Variants in GAB1 observed in about 807,000 individuals in gnomAD.
The protein encoded by GAB1 is GRB2 associated binding protein 1, also known as GRB2-associated-binding protein 1.
GAB1 carries 19 observed loss-of-function variants against 66.5 expected under a neutral mutation model. That is an observed-to-expected ratio of 0.29 (90% CI 0.20 to 0.42). The LOEUF (loss-of-function observed/expected upper bound fraction) is 0.42. Among genes scored for constraint, GAB1 ranks in the 10% least tolerant of loss-of-function variants. GAB1 has a pLI of 1.00. For missense variants in GAB1, 732 were observed against 858.5 expected (o/e 0.85, Z 1.84); for synonymous variants, 294 against 301.4 (o/e 0.98, Z 0.25).
chr4:143,400,222 C>A (rs936713498), intron 1 of GAB1, among the ~76,000 whole-genome samples: 1 of 152,116 alleles, frequency 6.6e-6, no homozygotes, highest in Admixed American at 6.5e-5. Context: ...GGACTACAGG[C>A]GTGAGCCACT....
At chr4:143,409,386 T>TACC (rs1732239712) in intron 1 of GAB1, among the ~76,000 whole-genome samples, 1 of 138,576 alleles carries the variant, frequency 7.2e-6, no homozygotes, top group African/African-American at 2.7e-5. Flanking sequence ...CTTTGAACTT[T>TACC]CCCCCCCCCC....
intron 7 of GAB1, 135 bp from the exon 8 acceptor site, chr4:143,460,229 A>G: frequency 1.3e-6 from 1 of 744,576 alleles, no homozygotes; most frequent in Non-Finnish European, 2.2e-6. Context: ...ATCATTATAA[A>G]TGTGTACAAT....
At chr4:143,463,420 C>G (rs1464418962) in intron 8 of GAB1, among the ~76,000 whole-genome samples, 1 of 151,912 alleles carries the variant, frequency 6.6e-6, no homozygotes, top group Non-Finnish European at 1.5e-5. Context: ...GTCAGTAGTG[C>G]GAGACCAGCC....
rs1025532541 is a variant in GAB1, at chr4:143,350,131, G to T, written c.72+12871G>T. 5 of 940,190 alleles carry T rather than the reference G, an allele frequency of 5.3e-6. No homozygotes were observed. In the Admixed American group the frequency reaches 7.2e-5, roughly 14 times the overall value. 58.2% of individuals were successfully genotyped at this position (940,190 alleles called of 1,614,324 possible). ...GTCATCCGCCATTTGGTGTTTTCTC[G>T]GAAAAGAAGCTGATTTTTAAAAGAA... On this transcript the variant is annotated intron_variant, in intron 1 of 9. Coordinates refer to ENST00000262994, the MANE Select transcript of GAB1 (RefSeq NM_002039.4).
intron 6 of GAB1, among the ~76,000 whole-genome samples, chr4:143,453,276 A>C (rs1735016933): frequency 6.6e-6 from 1 of 152,156 alleles, no homozygotes; most frequent in Non-Finnish European, 1.5e-5. Flanking sequence ...AAATTTTATA[A>C]ATGTATTTTT....
chr4:143,365,305 C>T (rs1055983883), intron 1 of GAB1, among the ~76,000 whole-genome samples: 2 of 152,098 alleles, frequency 1.3e-5, no homozygotes, highest in African/African-American at 2.4e-5. Context: ...TCATCATACC[C>T]CTACTCTCCA....
intron 2 of GAB1, among the ~76,000 whole-genome samples, chr4:143,422,732 TCTA>T (rs940602083): frequency 6.6e-6 from 1 of 152,220 alleles, no homozygotes; most frequent in Non-Finnish European, 1.5e-5. Flanking sequence ...CACATGATAA[TCTA>T]CTCTTCACTG....
chr4:143,440,514 A>ATT, intron 6 of GAB1, 132 bp downstream of exon 6: 1 of 849,228 alleles, frequency 1.2e-6, no homozygotes. Flanking sequence ...CCATCAAGTT[A>ATT]TTTAAGCAAA....
chr4:143,337,053 G>C lies in GAB1; in HGVS notation c.-136G>C, dbSNP rs1247242543. 2.8e-6 allele frequency: 2 copies of C among 708,448 alleles called. No homozygotes were observed. Among genetic ancestry groups the C allele is most frequent in the South Asian group, 1.9e-5 (1 of 53,646 alleles). 43.9% of individuals were successfully genotyped at this position (708,448 alleles called of 1,614,324 possible). On this transcript the variant is annotated 5_prime_UTR_variant, in exon 1 of 10. Coordinates refer to ENST00000262994, the MANE Select transcript of GAB1 (RefSeq NM_002039.4). ...GTGGAACCCGCGCACCGTGGAGTCT[G>C]TCCGCCCAGTCCGTCCGGGGTGCGC...
At chr4:143,370,145 G>T (rs1379190989) in intron 1 of GAB1, among the ~76,000 whole-genome samples, 1 of 152,168 alleles carries the variant, frequency 6.6e-6, no homozygotes, top group Non-Finnish European at 1.5e-5. Flanking sequence ...AAAAATGTAG[G>T]GTATAGTAAG....
At chr4:143,391,590 G>C (rs941799018) in intron 1 of GAB1, 3 of 151,834 alleles carry the variant, frequency 2.0e-5, no homozygotes, top group African/African-American at 7.3e-5. Flanking sequence ...AAAAGGCGGC[G>C]GGGGGCACAG....
At chr4:143,423,792 GTATATATATATATA>G (rs35559967) in intron 2 of GAB1, among the ~76,000 whole-genome samples, 4,411 of 67,774 alleles carry the variant, frequency 0.065, 430 homozygotes, top group African/African-American at 0.17. Flanking sequence ...AAAAAAAAGT[GTATATATATATATA>G]TATATATATA....
chr4:143,344,787 G>T (rs1412548644), intron 1 of GAB1, among the ~76,000 whole-genome samples: 1 of 152,118 alleles, frequency 6.6e-6, no homozygotes, highest in Non-Finnish European at 1.5e-5. Context: ...CTGGAAAAAA[G>T]AATCATTTCT....
intron 6 of GAB1, among the ~76,000 whole-genome samples, chr4:143,458,987 A>G (rs565699538): frequency 6.6e-6 from 1 of 152,238 alleles, no homozygotes; most frequent in East Asian, 1.9e-4. Context: ...GAATGATTTT[A>G]CATAGATGAT....
chr4:143,460,240 G>A, intron 7 of GAB1, 124 bp from the exon 8 acceptor site: 1 of 846,488 alleles, frequency 1.2e-6, no homozygotes, highest in Non-Finnish European at 1.9e-6. Context: ...TGTGTACAAT[G>A]AATGATTATA....
At chr4:143,343,024 G>A (rs1402050358) in intron 1 of GAB1, among the ~76,000 whole-genome samples, 1 of 152,082 alleles carries the variant, frequency 6.6e-6, no homozygotes, top group East Asian at 1.9e-4. Context: ...GCTTTTAGTG[G>A]GGATGTTTTG....
At chr4:143,429,112 T>C (rs1419859510) in intron 2 of GAB1, among the ~76,000 whole-genome samples, 3 of 152,226 alleles carry the variant, frequency 2.0e-5, no homozygotes, top group Non-Finnish European at 4.4e-5. Flanking sequence ...TATTTATTTA[T>C]TTATTTTTGA....
At chr4:143,377,692 G>A (rs1382333891) in intron 1 of GAB1, among the ~76,000 whole-genome samples, 1 of 152,174 alleles carries the variant, frequency 6.6e-6, no homozygotes, top group Non-Finnish European at 1.5e-5. Flanking sequence ...GGACAGAGGG[G>A]ACTTTCCCAC....
chr4:143,341,433 TGGA>T (rs753365237), intron 1 of GAB1, among the ~76,000 whole-genome samples: 75 of 152,366 alleles, frequency 4.9e-4, no homozygotes, highest in Non-Finnish European at 8.4e-4. Context: ...ACCATCGCTC[TGGA>T]GGAGGAGCTT....
Sources: gnomAD v4.1 joint callset for allele counts (sites outside exome capture counted in the v4.1 genomes callset) on GRCh38, gnomAD v4.1.1 for gene constraint, MANE v1.5 for transcripts, NCBI Gene and HGNC (gene_info 2026-07-23, HGNC 2026-07-21) for gene names.